The following EPB41L5 variants were observed in gnomAD, a reference collection of about 807,000 sequenced individuals.
EPB41L5 encodes band 4.1-like protein 5.
In EPB41L5, 55 loss-of-function variants were observed where a neutral mutation model predicts 106.6. The ratio of observed to expected loss-of-function variants is 0.52; its 90% CI spans 0.42 to 0.65. The LOEUF is 0.65. Among genes scored for constraint, EPB41L5 ranks in the 30% least tolerant of loss-of-function variants. EPB41L5 has a pLI of 0.00. For synonymous variants in EPB41L5, 297 were observed against 306.7 expected (o/e 0.97, Z 0.33); for missense variants, 871 against 882.1 (o/e 0.99, Z 0.16).
chr2:120,039,552 G>A (rs1041981499), intron 2 of EPB41L5, among the ~76,000 whole-genome samples: 4 of 152,096 alleles, frequency 2.6e-5, no homozygotes, highest in Non-Finnish European at 4.4e-5. Flanking sequence ...GTGGCCAGGC[G>A]TGGTGGCTCA....
chr2:120,057,010 T>C (rs1405151026), intron 3 of EPB41L5, among the ~76,000 whole-genome samples: 1 of 152,104 alleles, frequency 6.6e-6, no homozygotes, highest in Non-Finnish European at 1.5e-5. Flanking sequence ...GATCCTCCCA[T>C]GTCAGCCTCC....
At chr2:120,122,849 C>CCT (rs780927976) in intron 16 of EPB41L5, among the ~76,000 whole-genome samples, 1 of 152,146 alleles carries the variant, frequency 6.6e-6, no homozygotes, top group Non-Finnish European at 1.5e-5. Context: ...TCTTTTATTT[C>CCT]TGAGCAGTGG....
At chr2:120,024,056 A>G (rs1237050438) in intron 2 of EPB41L5, among the ~76,000 whole-genome samples, 2 of 152,176 alleles carry the variant, frequency 1.3e-5, no homozygotes, top group Non-Finnish European at 2.9e-5. Flanking sequence ...GAAGTTGTTT[A>G]TCAGCTTAAG....
chr2:120,156,560 T>G (rs929135481), intron 20 of EPB41L5, among the ~76,000 whole-genome samples: 1 of 152,194 alleles, frequency 6.6e-6, no homozygotes, highest in Admixed American at 6.5e-5. Context: ...CAACTGCCAC[T>G]GCAGTCACAA....
intron 10 of EPB41L5, among the ~76,000 whole-genome samples, chr2:120,081,411 A>T (rs1444877189): frequency 1.3e-5 from 2 of 152,058 alleles, no homozygotes; most frequent in Non-Finnish European, 2.9e-5. Flanking sequence ...CAAAGATTGG[A>T]TGGTTGTAGA....
chr2:120,172,335 A>G (rs1238896981), intron 24 of EPB41L5, among the ~76,000 whole-genome samples: 1 of 152,228 alleles, frequency 6.6e-6, no homozygotes, highest in Non-Finnish European at 1.5e-5. Context: ...AGACTACACC[A>G]AGGAGCATCA....
chr2:120,158,962 C>T (rs1687017925), intron 20 of EPB41L5, among the ~76,000 whole-genome samples: 1 of 152,038 alleles, frequency 6.6e-6, no homozygotes, highest in Non-Finnish European at 1.5e-5. Context: ...AGCTGAGAGC[C>T]AAATCAGGAA....
chr2:120,081,127 T>C (rs1354720101), intron 10 of EPB41L5, among the ~76,000 whole-genome samples: 4 of 152,220 alleles, frequency 2.6e-5, no homozygotes, highest in African/African-American at 9.6e-5. Context: ...ATCCCATTTG[T>C]CAATTTTGGC....
chr2:120,178,298 C>T lies in EPB41L5; in HGVS notation c.*3391C>T, dbSNP rs568153410. Reference sequence around the variant, plus strand: ...ACCTGTCACTTGGAGGCAGCCAACACTTCTGGACATTGCATCCTTATTCAC... The same window carrying T: ...ACCTGTCACTTGGAGGCAGCCAACATTTCTGGACATTGCATCCTTATTCAC... On this transcript the variant is annotated 3_prime_UTR_variant, in exon 25 of 25. Coordinates refer to ENST00000263713, the MANE Select transcript of EPB41L5 (RefSeq NM_020909.4). 6.6e-6 allele frequency: 1 copy of T among 152,332 alleles called. No homozygotes were observed. The highest frequency in any genetic ancestry group is 2.4e-5 in the African/African-American group (1 of 41,450). 9.4% of individuals were successfully genotyped at this position (152,332 alleles called of 1,614,324 possible). A position where few individuals can be genotyped will look rare whatever the true frequency, so the allele number is the denominator to read the frequency against.
intron 16 of EPB41L5, among the ~76,000 whole-genome samples, chr2:120,117,839 CTCTCCCCCTG>C (rs1031915729): frequency 5.9e-5 from 9 of 152,174 alleles, no homozygotes; most frequent in African/African-American, 2.2e-4. Context: ...TTGCTTGTTC[CTCTCCCCCTG>C]CCCCCTCCCC....
rs369202076 is a variant in EPB41L5 at position 120,167,905 on chromosome 2, C to T, written c.2033C>T (p.Ala678Val). ...AGTGGTGCCATGTCTAATGGACTTGCGGGATGTGAAATGCTTTTGACAGGG... is the reference window on the plus strand; with the variant it reads ...AGTGGTGCCATGTCTAATGGACTTGTGGGATGTGAAATGCTTTTGACAGGG... Reference protein sequence around the residue: ...PQSGAMSNGLAGCEMLLTGKE... With the variant: ...PQSGAMSNGLVGCEMLLTGKE... Residue 678 changes from alanine (A) to valine (V), a missense_variant, in exon 24 of 25, where the codon GCG becomes GTG. Ala to Val is a moderately conservative substitution (Grantham distance 64). Transcript: ENST00000263713. The T allele has an allele frequency of 1.4e-5, 23 of 1,613,798 alleles. No homozygotes were observed. Among genetic ancestry groups the T allele is most frequent in the Middle Eastern group, 1.6e-4 (1 of 6,084 alleles).
chr2:120,152,623 T>C (rs1019908399), intron 20 of EPB41L5, among the ~76,000 whole-genome samples: 2 of 152,222 alleles, frequency 1.3e-5, no homozygotes, highest in African/African-American at 4.8e-5. Flanking sequence ...CCTCATAGCA[T>C]GATTTAGGAA....
chr2:120,162,283 C>T (rs896168694), intron 21 of EPB41L5, among the ~76,000 whole-genome samples: 1 of 152,210 alleles, frequency 6.6e-6, no homozygotes, highest in African/African-American at 2.4e-5. Flanking sequence ...CTTAACAATT[C>T]AGAAATCATA....
chr2:120,159,083 A>G (rs1045446794), intron 20 of EPB41L5, among the ~76,000 whole-genome samples: 1 of 152,160 alleles, frequency 6.6e-6, no homozygotes, highest in African/African-American at 2.4e-5. Flanking sequence ...TGCTTAAAGA[A>G]ATCAGAGATG....
intron 14 of EPB41L5, among the ~76,000 whole-genome samples, chr2:120,096,487 T>A (rs1187363102): frequency 1.3e-5 from 2 of 152,164 alleles, no homozygotes; most frequent in Admixed American, 6.5e-5. Context: ...TAAGCTATGT[T>A]TTTCAGAAAA....
chr2:120,143,963 C>CCTA (rs1686290525), intron 19 of EPB41L5, among the ~76,000 whole-genome samples: 1 of 151,974 alleles, frequency 6.6e-6, no homozygotes, highest in Non-Finnish European at 1.5e-5. Context: ...AATGGTAGTA[C>CCTA]CTACCTTAAG....
chr2:120,138,702 G>C (rs1031825224), intron 18 of EPB41L5, among the ~76,000 whole-genome samples: 5 of 151,892 alleles, frequency 3.3e-5, no homozygotes, highest in Admixed American at 6.6e-5. Flanking sequence ...AAATTTGAAA[G>C]ATATTCCATG....
chr2:120,172,411 C>T (rs1022209488), intron 24 of EPB41L5, among the ~76,000 whole-genome samples: 3 of 152,098 alleles, frequency 2.0e-5, no homozygotes, highest in African/African-American at 7.2e-5. Flanking sequence ...AAACGGAGTA[C>T]GTACAAAGGA....
intron 3 of EPB41L5, among the ~76,000 whole-genome samples, chr2:120,064,060 TACAG>T (rs1681277498): frequency 1.3e-5 from 2 of 152,198 alleles, no homozygotes; most frequent in African/African-American, 4.8e-5. Flanking sequence ...TGTCTTATAA[TACAG>T]ACTGTTAACT....
Sources: allele counts gnomAD v4.1 joint callset (sites outside exome capture counted in the v4.1 genomes callset), GRCh38; gene constraint gnomAD v4.1.1; transcripts MANE v1.5; gene names NCBI Gene and HGNC (gene_info 2026-07-23, HGNC 2026-07-21).